SOX5: variants seen among roughly 807,000 people sequenced by gnomAD.
SOX5 encodes the protein transcription factor SOX-5.
A neutral mutation model predicts 92.0 loss-of-function variants in SOX5; 9 were observed. That is an observed-to-expected ratio of 0.10 (90% CI 0.06 to 0.17). The LOEUF (loss-of-function observed/expected upper bound fraction) is 0.17. Among genes scored for constraint, SOX5 ranks in the 10% least tolerant of loss-of-function variants. The pLI is 1.00. For synonymous variants in SOX5, 344 were observed against 336.3 expected, an observed-to-expected ratio of 1.02 and a Z score of -0.25; for missense variants, 642 against 944.5, an observed-to-expected ratio of 0.68 and a Z score of 4.20.
intron 3 of SOX5, among the ~76,000 whole-genome samples, chr12:23,842,649 G>T (rs774552010): frequency 6.6e-6 from 1 of 152,118 alleles, no homozygotes; most frequent in Non-Finnish European, 1.5e-5. Flanking sequence ...GAGTCAGAAA[G>T]AAAAGAAGTG....
At chr12:24,353,596 TG>T (rs1188016292) in intron 2 of SOX5, among the ~76,000 whole-genome samples, 1 of 151,754 alleles carries the variant, frequency 6.6e-6, no homozygotes, top group East Asian at 1.9e-4. Flanking sequence ...GAGTATGTGT[TG>T]GGGGTGGGGG....
chr12:24,134,918 T>C (rs1949981531), intron 4 of SOX5, among the ~76,000 whole-genome samples: 1 of 152,342 alleles, frequency 6.6e-6, no homozygotes, highest in Admixed American at 6.5e-5. Context: ...ACCTTTCCTC[T>C]GTATTTTTAA....
intron 1 of SOX5, among the ~76,000 whole-genome samples, chr12:23,936,736 G>A (rs1380405377): frequency 1.3e-5 from 2 of 150,874 alleles, no homozygotes; most frequent in African/African-American, 2.4e-5. Context: ...TATTTAACAA[G>A]TTTTTAAAAA....
At chr12:23,988,518 A>G (rs763221822) in intron 4 of SOX5, among the ~76,000 whole-genome samples, 5 of 152,232 alleles carry the variant, frequency 3.3e-5, no homozygotes, top group Admixed American at 1.3e-4. Flanking sequence ...AGGTCAAGCA[A>G]AAGTATTTGA....
intron 1 of SOX5, among the ~76,000 whole-genome samples, chr12:24,464,028 TA>T (rs1943939144): frequency 6.6e-6 from 1 of 152,174 alleles, no homozygotes; most frequent in Admixed American, 6.5e-5. Context: ...CGCTGACAAA[TA>T]GGGGTTACCT....
intron 1 of SOX5, among the ~76,000 whole-genome samples, chr12:23,910,007 A>G (rs2097334754): frequency 6.6e-6 from 1 of 151,954 alleles, no homozygotes; most frequent in Non-Finnish European, 1.5e-5. Context: ...AGACCTCTCA[A>G]AATACTGGTT....
chr12:24,352,509 A>G (rs918834758), intron 2 of SOX5, among the ~76,000 whole-genome samples: 1 of 152,206 alleles, frequency 6.6e-6, no homozygotes, highest in African/African-American at 2.4e-5. Flanking sequence ...GGCGGCGGCT[A>G]GAGGTGAGAG....
At chr12:23,680,998 T>C (rs981617134) in intron 6 of SOX5, among the ~76,000 whole-genome samples, 25 of 151,998 alleles carry the variant, frequency 1.6e-4, no homozygotes, top group African/African-American at 6.0e-4. Context: ...CTAGAAGAAA[T>C]AGGTAAGATG....
chr12:23,632,230 GAA>G (rs2078636582), intron 8 of SOX5: 1 of 152,080 alleles, frequency 6.6e-6, no homozygotes, highest in Non-Finnish European at 1.5e-5. Context: ...GGAAAAGAAG[GAA>G]TTCAGTCTTT....
intron 4 of SOX5, among the ~76,000 whole-genome samples, chr12:24,141,032 T>C (rs146611952): frequency 1.8e-3 from 254 of 139,042 alleles, no homozygotes; most frequent in Non-Finnish European, 3.1e-3. Context: ...GCATACGCAG[T>C]AGGTATTTCT....
intron 1 of SOX5, among the ~76,000 whole-genome samples, chr12:24,447,500 T>C (rs1292743457): frequency 6.6e-6 from 1 of 152,034 alleles, no homozygotes; most frequent in Non-Finnish European, 1.5e-5. Flanking sequence ...GTAGCTTGGA[T>C]GGGACTCTGG....
At chr12:23,779,472 A>T (rs1463094217) in intron 3 of SOX5, among the ~76,000 whole-genome samples, 1 of 151,340 alleles carries the variant, frequency 6.6e-6, no homozygotes, top group East Asian at 1.9e-4. Flanking sequence ...GTTAATACAC[A>T]TATTCAAAAA....
intron 3 of SOX5, among the ~76,000 whole-genome samples, chr12:23,823,242 A>C (rs1196028390): frequency 6.6e-6 from 1 of 152,128 alleles, no homozygotes; most frequent in Non-Finnish European, 1.5e-5. Context: ...TTGTTTTTGC[A>C]GTGGCTGGTA....
At chr12:24,083,907 G>A (rs963938948) in intron 4 of SOX5, among the ~76,000 whole-genome samples, 3 of 152,032 alleles carry the variant, frequency 2.0e-5, no homozygotes, top group Non-Finnish European at 2.9e-5. Flanking sequence ...TGGTCCTTAA[G>A]TGCTACCCTT....
chr12:24,064,003 G>A (rs1051039780), intron 4 of SOX5, among the ~76,000 whole-genome samples: 4 of 152,170 alleles, frequency 2.6e-5, no homozygotes, highest in Non-Finnish European at 4.4e-5. Flanking sequence ...TAAAATGGTA[G>A]GGAGAGGTCT....
In SOX5 at chr12:23,755,715, C is replaced by T; in HGVS notation, c.491G>A (p.Ser164Asn). Reference protein sequence around the residue: ...LIKNEPEETPSIEKLLSKDWK... With the variant: ...LIKNEPEETPNIEKLLSKDWK... ...GTCCTTTGAGAGTAGTTTTTCAATACTGGGGGTTTCTAAGTAAAGAAAAAA... is the reference window on the plus strand; with the variant it reads ...GTCCTTTGAGAGTAGTTTTTCAATATTGGGGGTTTCTAAGTAAAGAAAAAA... Residue 164 changes from serine (S) to asparagine (N), a missense_variant, in exon 4 of 15, where the codon AGT becomes AAT. By Grantham distance (46) the Ser-to-Asn change is conservative. This residue lies in a region of SOX5 where 324 missense variants were observed against 461.6 expected (regional missense o/e 0.70). Coordinates refer to ENST00000451604, the MANE Select transcript of SOX5 (RefSeq NM_006940.6). 1 of 1,565,588 alleles carries T rather than the reference C, an allele frequency of 6.4e-7. No homozygotes were observed. Among genetic ancestry groups the T allele is most frequent in the Non-Finnish European group, 8.6e-7 (1 of 1,158,726 alleles).
At chr12:24,196,143 C>T (rs1426225233) in intron 4 of SOX5, among the ~76,000 whole-genome samples, 1 of 152,184 alleles carries the variant, frequency 6.6e-6, no homozygotes, top group Non-Finnish European at 1.5e-5. Context: ...CATCAGCCTC[C>T]CAAAGTGCTG....
At chr12:24,065,628 AG>A (rs1483655713) in intron 4 of SOX5, among the ~76,000 whole-genome samples, 1 of 145,236 alleles carries the variant, frequency 6.9e-6, no homozygotes, top group Non-Finnish European at 1.5e-5. Flanking sequence ...GCCTGGCGAC[AG>A]AGCGAGACTC....
intron 8 of SOX5, among the ~76,000 whole-genome samples, chr12:23,633,396 G>C (rs1330795006): frequency 6.6e-6 from 1 of 152,036 alleles, no homozygotes; most frequent in Non-Finnish European, 1.5e-5. Context: ...TCACATAGCT[G>C]ATTTTATCTT....
Sources: allele counts gnomAD v4.1 joint callset (sites outside exome capture counted in the v4.1 genomes callset), GRCh38; gene constraint gnomAD v4.1.1; regional missense constraint gnomAD v4.1.1; transcripts MANE v1.5; gene names NCBI Gene and HGNC (gene_info 2026-07-23, HGNC 2026-07-21).